ATG2B: variants seen among roughly 807,000 people sequenced by gnomAD.
ATG2B encodes autophagy related 2B, also known as autophagy-related protein 2 homolog B.
ATG2B carries 121 observed loss-of-function variants against 241.3 expected under a neutral mutation model. That is an observed-to-expected ratio of 0.50 (90% confidence interval 0.43 to 0.58). The LOEUF (loss-of-function observed/expected upper bound fraction) is 0.58. Among genes scored for constraint, ATG2B ranks in the 20% least tolerant of loss-of-function variants. The probability of loss-of-function intolerance (pLI) is 0.00; values close to 1 mark genes in which losing one functional copy is unlikely to be tolerated. For missense variants in ATG2B, 2,306 were observed against 2,491.6 expected (o/e 0.93, Z 1.59); for synonymous variants, 858 against 876.6 (o/e 0.98, Z 0.37).
chr14:96,343,242 T>A lies in ATG2B; in HGVS notation c.621A>T (p.Gly207=), dbSNP rs745450803. 5.6e-6 allele frequency: 9 copies of A among 1,608,662 alleles called. No homozygotes were observed. The highest frequency in any genetic ancestry group is 5.5e-5 in the South Asian group (5 of 90,182). The change falls in exon 5 of 42, where the codon GGA becomes GGT. Residue 207 remains glycine, a synonymous_variant. Coordinates refer to ENST00000359933, the MANE Select transcript of ATG2B (RefSeq NM_018036.7). The part of the protein sequence containing the change: ...YCDETADESS[G]INVHQPTAFA... ...AAGCAGTGGGTTGATGCACATTAAT[T>A]CCTGAGGATTCGTCAGCAGTTTCAT...
At chr14:96,308,262 A>ATG in intron 29 of ATG2B, among the ~76,000 whole-genome samples, 3 of 13,150 alleles carry the variant, frequency 2.3e-4, no homozygotes, top group Non-Finnish European at 4.5e-4. Context: ...ACACACATAT[A>ATG]TATATATATA....
intron 29 of ATG2B, 30 bp from the exon 30 acceptor site, chr14:96,306,946 C>T (rs1886967124): frequency 1.3e-6 from 2 of 1,577,760 alleles, no homozygotes; most frequent in South Asian, 2.2e-5. Flanking sequence ...CATTTTGGCA[C>T]ACTTTGAAAT....
Position 96,332,320 on chromosome 14 carries a change from G to A in ATG2B, c.1453C>T (p.Pro485Ser). The A allele has an allele frequency of 6.2e-7, 1 of 1,612,660 alleles. No homozygotes were observed. The highest frequency in any genetic ancestry group is 8.5e-7 in the Non-Finnish European group (1 of 1,178,768). The stretch of plus-strand genomic sequence containing the variant: ...TTTTACTTACATGTCTTCTGTAAAG[G>A]TGTTGGGTGAACTAGGTTGGATGGA... ...TFPSNLVHPT[P>S]LQKTSLPSRS... The change falls in exon 10 of 42, where the codon CCT becomes TCT. Residue 485 changes from proline to serine, a missense_variant. Around this residue, in one of 2 missense-constraint regions of ATG2B, gnomAD observed 1,927 missense variants for 2,011.2 expected, o/e 0.96. Coordinates refer to ENST00000359933, the MANE Select transcript of ATG2B (RefSeq NM_018036.7).
intron 36 of ATG2B, among the ~76,000 whole-genome samples, chr14:96,293,754 TA>T (rs1302639993): frequency 6.6e-6 from 1 of 152,212 alleles, no homozygotes; most frequent in Non-Finnish European, 1.5e-5. Context: ...CTCAATATTT[TA>T]AATAGTCTAA....
At chr14:96,308,283 T>TATAGATA (rs1491275020) in intron 29 of ATG2B, among the ~76,000 whole-genome samples, 1 of 30,236 alleles carries the variant, frequency 3.3e-5, no homozygotes, top group Non-Finnish European at 6.6e-5. Flanking sequence ...TATATATATA[T>TATAGATA]TTTTTTTTTT....
chr14:96,347,507 T>C (rs1888201603), intron 1 of ATG2B, among the ~76,000 whole-genome samples, 166 bp from the exon 2 acceptor site: 1 of 152,226 alleles, frequency 6.6e-6, no homozygotes, highest in Non-Finnish European at 1.5e-5. Context: ...CAAATGCTTC[T>C]GCACAGCAAA....
chr14:96,333,543 G>A (rs924867589), intron 8 of ATG2B, 145 bp downstream of exon 8: 44 of 712,244 alleles, frequency 6.2e-5, no homozygotes, highest in Middle Eastern at 3.2e-4. Context: ...TAGATTAATC[G>A]TAAATTAAAA....
chr14:96,341,223 C>T (rs1026005273), intron 6 of ATG2B, among the ~76,000 whole-genome samples: 1 of 151,838 alleles, frequency 6.6e-6, no homozygotes, highest in Non-Finnish European at 1.5e-5. Flanking sequence ...CTAATGAAAC[C>T]ATGTTTAATA....
intron 4 of ATG2B, among the ~76,000 whole-genome samples, chr14:96,343,730 A>C (rs1888103477): frequency 6.6e-6 from 1 of 152,238 alleles, no homozygotes; most frequent in South Asian, 2.1e-4. Context: ...CAAGTCACAA[A>C]TGACGTTTCT....
At position 96,309,607 on chromosome 14, in the gene ATG2B, A is replaced by C. The variant is rs1241801824; in HGVS notation, c.4162-13T>G. On this transcript the variant is annotated splice_polypyrimidine_tract_variant and intron_variant, in intron 28 of 41. Coordinates refer to ENST00000359933, the MANE Select transcript of ATG2B (RefSeq NM_018036.7). ...CACTGGAATCTACCTATAGCCAAAA[A>C]ACCTAATTAAAAATAACTGAAAATG... 1.3e-6 allele frequency: 2 copies of C among 1,583,720 alleles called. No homozygotes were observed. The highest frequency in any genetic ancestry group is 1.2e-5 in the South Asian group (1 of 86,888).
chr14:96,339,255 G>A (rs780483609), intron 6 of ATG2B, among the ~76,000 whole-genome samples: 18 of 150,198 alleles, frequency 1.2e-4, no homozygotes, highest in Admixed American at 3.3e-4. Context: ...TCTACCATTC[G>A]ACCCAGCAAT....
At chr14:96,293,577 G>C (rs59859431) in intron 36 of ATG2B, among the ~76,000 whole-genome samples, 1 of 152,168 alleles carries the variant, frequency 6.6e-6, no homozygotes, top group African/African-American at 2.4e-5. Context: ...TTCTGGATTA[G>C]AGATAAGAAA....
In ATG2B at chr14:96,279,227, ATATT is replaced by A. The variant is rs774160100; in HGVS notation, c.*6524_*6527del. Reference sequence around the variant, plus strand: ...TCAATGATGAACTTTTATTTCATATATATTTATATTTTAAAAATTATTACAAGTA... The same window carrying A: ...TCAATGATGAACTTTTATTTCATATATATATTTTAAAAATTATTACAAGTA... On this transcript the variant is annotated 3_prime_UTR_variant, in exon 42 of 42. Transcript: ENST00000359933. 2.6e-5 allele frequency: 4 copies of A among 152,230 alleles called. No individual in the cohort carries two copies. The East Asian group carries it at 7.7e-4, about 29-fold the overall frequency. 9.4% of individuals were successfully genotyped at this position (152,230 alleles called of 1,614,324 possible).
chr14:96,308,259 TATATATATATATATATATATATA>T (rs1566719819), intron 29 of ATG2B, among the ~76,000 whole-genome samples: 270 of 23,630 alleles, frequency 0.011, 13 homozygotes, highest in African/African-American at 0.035. Context: ...TATACACACA[TATATATATATATATATATATATA>T]TTTTTTTTTT....
At chr14:96,309,676 A>T (rs1887096787) in intron 28 of ATG2B, 82 bp from the exon 29 acceptor site, 1 of 1,296,146 alleles carries the variant, frequency 7.7e-7, no homozygotes, top group Non-Finnish European at 1.1e-6. Flanking sequence ...TCCCAAAAAT[A>T]CATTACATTG....
chr14:96,319,024 G>C (rs1887390819), intron 18 of ATG2B, among the ~76,000 whole-genome samples: 1 of 152,196 alleles, frequency 6.6e-6, no homozygotes, highest in Non-Finnish European at 1.5e-5. Context: ...TGATTCACAT[G>C]GAAGTGCTGC....
chr14:96,331,671 A>T (rs755710460), intron 10 of ATG2B, 34 bp from the exon 11 acceptor site: 6 of 1,473,728 alleles, frequency 4.1e-6, no homozygotes, highest in Non-Finnish European at 5.5e-6. Context: ...TATACATAAA[A>T]TTTGACACAT....
chr14:96,292,540 G>T (rs1390294901), intron 36 of ATG2B, among the ~76,000 whole-genome samples: 1 of 151,974 alleles, frequency 6.6e-6, no homozygotes, highest in African/African-American at 2.4e-5. Context: ...TAAAGAGAAG[G>T]CCTAAGGAAT....
chr14:96,361,153 G>C (rs1272484334), intron 1 of ATG2B, among the ~76,000 whole-genome samples: 1 of 152,066 alleles, frequency 6.6e-6, no homozygotes, highest in Non-Finnish European at 1.5e-5. Flanking sequence ...CTCAGATTAA[G>C]TTTAGTAATA....
Sources: gnomAD v4.1 joint callset for allele counts (sites outside exome capture counted in the v4.1 genomes callset) on GRCh38, gnomAD v4.1.1 for gene constraint, gnomAD v4.1.1 regional missense constraint, MANE v1.5 for transcripts, NCBI Gene and HGNC (gene_info 2026-07-23, HGNC 2026-07-21) for gene names.